USP25: variants seen among roughly 807,000 people sequenced by gnomAD.
USP25 encodes the protein ubiquitin carboxyl-terminal hydrolase 25.
USP25 carries 85 observed loss-of-function variants against 158.5 expected under a neutral mutation model. The observed-to-expected ratio is 0.54, with a 90% CI of 0.45 to 0.64. The LOEUF is 0.64. Ranked by LOEUF, USP25 falls within the 30% of genes least tolerant of loss-of-function variation. The pLI is 0.00. For synonymous variants in USP25, 464 were observed against 460.4 expected (o/e 1.01, Z -0.10); for missense variants, 1,242 against 1,327.3 (o/e 0.94, Z 1.00).
intron 1 of USP25, among the ~76,000 whole-genome samples, chr21:15,750,496 C>T (rs1053003291): frequency 2.6e-5 from 4 of 151,984 alleles, no homozygotes; most frequent in Middle Eastern, 3.2e-3. Context: ...TCCCAAAGTG[C>T]TGGGATTACA....
intron 1 of USP25, among the ~76,000 whole-genome samples, chr21:15,733,472 C>A (rs962615564): frequency 6.6e-6 from 1 of 151,962 alleles, no homozygotes; most frequent in African/African-American, 2.4e-5. Flanking sequence ...GTGGCTCATG[C>A]TTTAATCCCA....
chr21:15,752,466 G>A (rs982273187), intron 1 of USP25, among the ~76,000 whole-genome samples: 4 of 152,038 alleles, frequency 2.6e-5, no homozygotes, highest in African/African-American at 9.7e-5. Context: ...CACCCATCTT[G>A]GCCTCCCAAA....
intron 14 of USP25, 34 bp from the exon 15 acceptor site, chr21:15,830,497 C>T: frequency 6.5e-7 from 1 of 1,540,942 alleles, no homozygotes; most frequent in Non-Finnish European, 8.8e-7. Flanking sequence ...AACACATTTG[C>T]TGTTAATCAT....
chr21:15,754,746 A>G (rs1057219767), intron 1 of USP25, among the ~76,000 whole-genome samples: 3 of 152,194 alleles, frequency 2.0e-5, no homozygotes, highest in African/African-American at 7.2e-5. Context: ...CTATAGGAAA[A>G]TTCCTCAGAC....
At chr21:15,847,869 T>C in intron 19 of USP25, 93 bp downstream of exon 19, 1 of 691,830 alleles carries the variant, frequency 1.4e-6, no homozygotes, top group African/African-American at 1.8e-5. Context: ...ACTTAATGTC[T>C]ATTGCCACAT....
chr21:15,865,736 T>G (rs1429542424), intron 21 of USP25, among the ~76,000 whole-genome samples: 2 of 152,138 alleles, frequency 1.3e-5, no homozygotes, highest in Non-Finnish European at 2.9e-5. Flanking sequence ...TTAATCTGTT[T>G]TGATAACCTG....
chr21:15,760,038 T>G (rs1181238963), intron 1 of USP25, among the ~76,000 whole-genome samples: 1 of 152,254 alleles, frequency 6.6e-6, no homozygotes, highest in Non-Finnish European at 1.5e-5. Context: ...GAAGTGAAAT[T>G]CTTTGGTGGC....
Position 15,762,888 on chromosome 21 carries a change from T to C in USP25, c.46-3T>C. The stretch of plus-strand genomic sequence containing the variant: ...AATGATTTTGGGTTTTTCCTCCCTC[T>C]AGCACCAGCAGACGTTTTTGAATCA... On this transcript the variant is annotated splice_region_variant and splice_polypyrimidine_tract_variant and intron_variant, in intron 1 of 25. Coordinates refer to ENST00000400183, the MANE Select transcript of USP25 (RefSeq NM_001283041.3). 1 of 1,612,016 alleles carries C rather than the reference T, an allele frequency of 6.2e-7. No homozygotes were observed. The highest frequency in any genetic ancestry group is 8.5e-7 in the Non-Finnish European group (1 of 1,178,888).
rs140631215 is a variant in USP25 at position 15,860,953 on chromosome 21, C to CATAT, written c.2548-3295_2548-3292dup. Among the ~76,000 whole-genome samples the CATAT allele has an allele frequency of 5.7e-3, 835 of 145,690 alleles. 8 individuals carry two copies. The highest frequency in any genetic ancestry group is 0.011 in the Middle Eastern group (3 of 272). ...CACATATATATATATTTGGTATCTT[C>CATAT]ATATATATATATATATATATATAGA... is the stretch of plus-strand genomic sequence containing the variant. On this transcript the variant is annotated intron_variant, in intron 20 of 25. Transcript: ENST00000400183.
chr21:15,869,391 T>A (rs2039792690), intron 22 of USP25, among the ~76,000 whole-genome samples: 1 of 152,206 alleles, frequency 6.6e-6, no homozygotes, highest in Non-Finnish European at 1.5e-5. Flanking sequence ...ACATTGAATT[T>A]CAGTTATTTT....
chr21:15,877,699 A>G, intron 24 of USP25, 97 bp from the exon 25 acceptor site: 1 of 859,538 alleles, frequency 1.2e-6, no homozygotes, highest in Non-Finnish European at 1.8e-6. Context: ...ACTGTTTGTG[A>G]ACATATTTAT....
intron 8 of USP25, 146 bp from the exon 9 acceptor site, chr21:15,810,991 T>C: frequency 3.1e-6 from 2 of 646,166 alleles, no homozygotes; most frequent in Non-Finnish European, 5.3e-6. Flanking sequence ...TTGTGCAACG[T>C]GGCACTGTAA....
chr21:15,799,624 C>A, intron 5 of USP25, 133 bp from the exon 6 acceptor site: 1 of 501,164 alleles, frequency 2.0e-6, no homozygotes, highest in African/African-American at 2.0e-5. Context: ...GTATGTCCTC[C>A]TTGTGCCAGT....
chr21:15,782,398 A>G (rs1413244400), intron 4 of USP25, among the ~76,000 whole-genome samples: 1 of 152,068 alleles, frequency 6.6e-6, no homozygotes, highest in African/African-American at 2.4e-5. Flanking sequence ...CCGCAGCTCA[A>G]CCCTACATCA....
At chr21:15,783,105 T>TA (rs779264168) in intron 4 of USP25, among the ~76,000 whole-genome samples, 3 of 149,504 alleles carry the variant, frequency 2.0e-5, no homozygotes, top group East Asian at 2.0e-4. Flanking sequence ...TGAATGAAAT[T>TA]AAAAAAAATA....
chr21:15,785,443 A>G (rs1164474339), intron 4 of USP25, among the ~76,000 whole-genome samples: 2 of 152,224 alleles, frequency 1.3e-5, no homozygotes, highest in African/African-American at 4.8e-5. Context: ...TCTCCAGTAA[A>G]GATCGTATGT....
chr21:15,760,193 T>A (rs1344480761), intron 1 of USP25, among the ~76,000 whole-genome samples: 1 of 152,200 alleles, frequency 6.6e-6, no homozygotes, highest in Admixed American at 6.5e-5. Context: ...CATGCAACTG[T>A]GTTGTGCTTT....
intron 1 of USP25, among the ~76,000 whole-genome samples, chr21:15,744,619 G>A (rs527667841): frequency 6.8e-5 from 10 of 146,232 alleles, no homozygotes; most frequent in East Asian, 4.0e-4. Flanking sequence ...GCAGAGCTTC[G>A]TTCTTGTTGC....
intron 24 of USP25, among the ~76,000 whole-genome samples, chr21:15,874,892 C>T (rs978824087): frequency 2.6e-5 from 4 of 152,110 alleles, no homozygotes; most frequent in African/African-American, 9.7e-5. Context: ...TGCAGGCTGG[C>T]GCAGCAGCTC....
Sources: allele counts gnomAD v4.1 joint callset (sites outside exome capture counted in the v4.1 genomes callset), GRCh38; gene constraint gnomAD v4.1.1; transcripts MANE v1.5; gene names NCBI Gene and HGNC (gene_info 2026-07-23, HGNC 2026-07-21).